Variants in DNAI7 observed in about 807,000 individuals in gnomAD.
DNAI7 encodes dynein axonemal intermediate chain 7, also known as cancer susceptibility 1.
In DNAI7, 78 loss-of-function variants were observed where a neutral mutation model predicts 86.6. That is an observed-to-expected ratio of 0.90 (90% CI 0.75 to 1.09). DNAI7 has a LOEUF of 1.09. Ranked by LOEUF, DNAI7 falls within the 50% of genes least tolerant of loss-of-function variation. The pLI is 0.00. For synonymous variants in DNAI7, 274 were observed against 273.0 expected (o/e 1.00, Z -0.04); for missense variants, 753 against 810.2 (o/e 0.93, Z 0.86).
At chr12:25,147,484 C>CCCCG (rs55662471) in intron 7 of DNAI7, among the ~76,000 whole-genome samples, 3 of 138,176 alleles carry the variant, frequency 2.2e-5, no homozygotes, top group East Asian at 2.0e-4. Context: ...AGACCACCCC[C>CCCCG]ATCTCTACAA....
chr12:25,130,107 T>A (rs573162889), intron 9 of DNAI7, among the ~76,000 whole-genome samples: 2 of 152,202 alleles, frequency 1.3e-5, no homozygotes, highest in African/African-American at 4.8e-5. Flanking sequence ...TCATTGCATA[T>A]ATTAGAAGAT....
chr12:25,161,859 G>C (rs971064701), intron 2 of DNAI7, among the ~76,000 whole-genome samples: 4 of 152,096 alleles, frequency 2.6e-5, no homozygotes, highest in Non-Finnish European at 4.4e-5. Context: ...AAGAAGGCTA[G>C]AGCCTATGCT....
At chr12:25,175,370 A>G (rs1045902177) in intron 2 of DNAI7, among the ~76,000 whole-genome samples, 3 of 151,974 alleles carry the variant, frequency 2.0e-5, no homozygotes, top group Admixed American at 6.6e-5. Context: ...TTTTGCTTTT[A>G]AACTTTTCTT....
chr12:25,118,227 C>T (rs1940570540), intron 12 of DNAI7, among the ~76,000 whole-genome samples: 1 of 151,964 alleles, frequency 6.6e-6, no homozygotes, highest in South Asian at 2.1e-4. Context: ...GCCACAGCGC[C>T]TGGCCTGATT....
At chr12:25,157,025 A>G (rs970326878) in intron 4 of DNAI7, among the ~76,000 whole-genome samples, 1 of 152,154 alleles carries the variant, frequency 6.6e-6, no homozygotes, top group African/African-American at 2.4e-5. Context: ...GCAGTGGCTC[A>G]CACCTGTAAT....
chr12:25,182,605 T>TACACACACATAC (rs1555184963), intron 2 of DNAI7, among the ~76,000 whole-genome samples: 1 of 132,098 alleles, frequency 7.6e-6, no homozygotes, highest in Non-Finnish European at 1.6e-5. Context: ...TGAGACTGTC[T>TACACACACATAC]ACACACACAC....
At chr12:25,134,686 C>T (rs1943335856) in intron 9 of DNAI7, among the ~76,000 whole-genome samples, 2 of 152,064 alleles carry the variant, frequency 1.3e-5, no homozygotes, top group Admixed American at 1.3e-4. Context: ...GCACTTTCAA[C>T]ATCATCATTT....
chr12:25,146,780 G>A (rs1944896672), intron 8 of DNAI7, among the ~76,000 whole-genome samples: 1 of 152,150 alleles, frequency 6.6e-6, no homozygotes, highest in African/African-American at 2.4e-5. Context: ...ATCCTATTAA[G>A]TGACACAATC....
At position 25,116,446 on chromosome 12, in the gene DNAI7, T is replaced by A. The variant is rs10771169; in HGVS notation, c.1397-1576A>T. ...CTTTCTAATTACTGAAGTTGTAGAG[T>A]GAAATTATTCCCCTGAATTGTGTGG... On this transcript the variant is annotated intron_variant, in intron 12 of 15. Coordinates refer to ENST00000395987, the MANE Select transcript of DNAI7 (RefSeq NM_018272.5). Among the ~76,000 whole-genome samples, 611 of 151,974 alleles carry A rather than the reference T, an allele frequency of 4.0e-3. 3 individuals are homozygous for A. Among genetic ancestry groups the A allele is most frequent in the African/African-American group, 0.013 (555 of 41,474 alleles).
intron 9 of DNAI7, among the ~76,000 whole-genome samples, chr12:25,135,497 G>A (rs1592326080): frequency 6.6e-6 from 1 of 152,134 alleles, no homozygotes; most frequent in Non-Finnish European, 1.5e-5. Context: ...GATGGGGGGC[G>A]GTGGGAAATG....
chr12:25,174,608 T>C (rs1190676330), intron 2 of DNAI7, among the ~76,000 whole-genome samples: 1 of 128,950 alleles, frequency 7.8e-6, no homozygotes, highest in African/African-American at 3.0e-5. Context: ...ATATATGATA[T>C]ATATATCATA....
intron 6 of DNAI7, among the ~76,000 whole-genome samples, chr12:25,153,361 C>T (rs909372237): frequency 2.0e-5 from 3 of 152,058 alleles, no homozygotes; most frequent in East Asian, 1.9e-4. Context: ...GTAGAGGTTG[C>T]GGTAAGCCGA....
chr12:25,165,528 C>T (rs1592562686), intron 2 of DNAI7, among the ~76,000 whole-genome samples: 1 of 152,222 alleles, frequency 6.6e-6, no homozygotes, highest in Non-Finnish European at 1.5e-5. Flanking sequence ...GACTGTTCAA[C>T]TGACCTGGCA....
At chr12:25,148,880 G>A (rs1424733477) in intron 7 of DNAI7, among the ~76,000 whole-genome samples, 7 of 152,066 alleles carry the variant, frequency 4.6e-5, no homozygotes, top group South Asian at 2.1e-4. Flanking sequence ...CACTTTTCCT[G>A]CCCCAGAACT....
rs989999604 is a variant in DNAI7, at chr12:25,192,463, G to A, written c.4-1832C>T. On this transcript the variant is annotated intron_variant, in intron 1 of 15. Coordinates refer to ENST00000395987, the MANE Select transcript of DNAI7 (RefSeq NM_018272.5). ...AGAAATGCATATTTATGGACTAAAC[G>A]TGTGTATGCTCACTTCTCTTCCTAC... Among the ~76,000 whole-genome samples, 7 of 152,144 alleles carry A rather than the reference G, an allele frequency of 4.6e-5. No homozygotes were observed. In the East Asian group the frequency reaches 1.3e-3, roughly 29 times the overall value.
chr12:25,133,794 T>G (rs1305975522), intron 9 of DNAI7, among the ~76,000 whole-genome samples: 1 of 152,224 alleles, frequency 6.6e-6, no homozygotes, highest in African/African-American at 2.4e-5. Flanking sequence ...TCTCACTTTC[T>G]AGGCAATCAC....
At chr12:25,147,479 A>G (rs12371080) in intron 7 of DNAI7, among the ~76,000 whole-genome samples, 26 of 150,558 alleles carry the variant, frequency 1.7e-4, no homozygotes, top group East Asian at 1.4e-3. Context: ...TAATGAGACC[A>G]CCCCCATCTC....
intron 1 of DNAI7, among the ~76,000 whole-genome samples, chr12:25,191,301 G>C (rs1204998530): frequency 6.6e-6 from 1 of 152,136 alleles, no homozygotes. Flanking sequence ...AGCTACTTGG[G>C]AGGCTGAGGT....
intron 2 of DNAI7, among the ~76,000 whole-genome samples, chr12:25,161,890 T>C (rs777225069): frequency 6.6e-6 from 1 of 152,164 alleles, no homozygotes; most frequent in Non-Finnish European, 1.5e-5. Context: ...GACATCATTC[T>C]AGGAGAAATG....
Sources: allele counts gnomAD v4.1 joint callset (sites outside exome capture counted in the v4.1 genomes callset), GRCh38; gene constraint gnomAD v4.1.1; transcripts MANE v1.5; gene names NCBI Gene and HGNC (gene_info 2026-07-23, HGNC 2026-07-21).